The following USP12 variants were observed in gnomAD, a reference collection of about 807,000 sequenced individuals.
USP12 encodes ubiquitin specific peptidase 12.
In USP12, 19 loss-of-function variants were observed where a neutral mutation model predicts 45.5. The observed-to-expected ratio is 0.42, with a 90% CI of 0.29 to 0.61. The LOEUF (loss-of-function observed/expected upper bound fraction) is 0.61. USP12 is among the 20% of genes least tolerant of loss of function. USP12 has a pLI of 0.22. For missense variants in USP12, 242 were observed against 447.7 expected (o/e 0.54, Z 4.15); for synonymous variants, 149 against 148.8 (o/e 1.00, Z -0.01).
chr13:27,111,858 T>C (rs1351828726), intron 2 of USP12, among the ~76,000 whole-genome samples: 1 of 152,214 alleles, frequency 6.6e-6, no homozygotes, highest in African/African-American at 2.4e-5. Context: ...AACAGCAATT[T>C]GATAGTCTGT....
chr13:27,093,301 T>G (rs1485491301), intron 4 of USP12, among the ~76,000 whole-genome samples: 2 of 88,332 alleles, frequency 2.3e-5, no homozygotes, highest in African/African-American at 6.9e-5. Flanking sequence ...GTAGCCAAAA[T>G]TATACCCGAA....
At position 27,105,860 on chromosome 13, in the gene USP12, T is replaced by C. The variant is rs376270291; in HGVS notation, c.214A>G (p.Ser72Gly). 12 of 1,613,744 alleles carry C rather than the reference T, an allele frequency of 7.4e-6. No individual in the cohort carries two copies. Among genetic ancestry groups the C allele is most frequent in the Non-Finnish European group, 1.0e-5 (12 of 1,179,834 alleles). ...AGGCTCTCCTTTTTCCTAGGTTGAC[T>C]CTTATACGCAAGAACTTTTTCCCGA... ...PFREKVLAYKSQPRKKESLLT... is the reference protein window; with the variant it reads ...PFREKVLAYKGQPRKKESLLT... Residue 72 changes from serine to glycine, a missense_variant, in exon 3 of 9, where the codon AGT (serine) becomes GGT (glycine). Around this residue, in one of 5 missense-constraint regions of USP12, gnomAD observed 77 missense variants for 153.7 expected, o/e 0.50. Transcript: ENST00000282344.
intron 8 of USP12, 28 bp from the exon 9 acceptor site, chr13:27,069,412 C>A (rs977652219): frequency 8.7e-6 from 13 of 1,502,862 alleles, no homozygotes; most frequent in Non-Finnish European, 1.2e-5. Flanking sequence ...AACATTAGTA[C>A]ATAAATGAGC....
chr13:27,087,193 GA>G (rs1470842645), intron 6 of USP12, among the ~76,000 whole-genome samples: 1 of 151,408 alleles, frequency 6.6e-6, no homozygotes, highest in East Asian at 1.9e-4. Context: ...AAGGCAGAGA[GA>G]ATAAGCTGGG....
chr13:27,158,998 C>T (rs1877976515), intron 1 of USP12, among the ~76,000 whole-genome samples: 1 of 152,146 alleles, frequency 6.6e-6, no homozygotes, highest in South Asian at 2.1e-4. Context: ...TAATGTCTGG[C>T]AATAAACACA....
chr13:27,110,010 G>A (rs1188705954), intron 2 of USP12, among the ~76,000 whole-genome samples: 1 of 151,210 alleles, frequency 6.6e-6, no homozygotes, highest in East Asian at 1.9e-4. Flanking sequence ...GACTTTGTTA[G>A]GTGTGATCAT....
chr13:27,093,662 T>C (rs1480442905), intron 4 of USP12, among the ~76,000 whole-genome samples: 2 of 152,244 alleles, frequency 1.3e-5, no homozygotes, highest in Admixed American at 1.3e-4. Context: ...CCAGTGATCC[T>C]GCTCCTTGAT....
In USP12 at chr13:27,132,685, A is replaced by G. The variant is rs187669367; in HGVS notation, c.49-16089T>C. Among the ~76,000 whole-genome samples, 233 of 152,250 alleles carry G rather than the reference A, an allele frequency of 1.5e-3. 1 individual carries two copies. The highest frequency in any genetic ancestry group is 0.014 in the Middle Eastern group (4 of 294). On this transcript the variant is annotated intron_variant, in intron 1 of 8. Coordinates refer to ENST00000282344, the MANE Select transcript of USP12 (RefSeq NM_182488.4). ...GGTTTCAAGTTCTATGTGTGTGAGG[A>G]GCTGGTGGGCACGTTAACAAGAAGA... is the stretch of plus-strand genomic sequence containing the variant.
At chr13:27,111,036 G>C (rs541604195) in intron 2 of USP12, among the ~76,000 whole-genome samples, 6 of 152,260 alleles carry the variant, frequency 3.9e-5, no homozygotes, top group African/African-American at 1.4e-4. Flanking sequence ...GTAGACTACT[G>C]GAAGTCAGGC....
chr13:27,168,674 C>A (rs1878452799), intron 1 of USP12, among the ~76,000 whole-genome samples: 1 of 152,156 alleles, frequency 6.6e-6, no homozygotes. Context: ...AAAATGTACT[C>A]ACTGCAATCT....
chr13:27,076,211 CAAGA>C (rs1186050258), intron 6 of USP12, among the ~76,000 whole-genome samples: 1 of 151,962 alleles, frequency 6.6e-6, no homozygotes, highest in Non-Finnish European at 1.5e-5. Context: ...TTGTCAGAGA[CAAGA>C]AATAACTCCA....
rs184695290 is a variant in USP12, at chr13:27,116,205, G to A, written c.129+311C>T. 1.3e-4 allele frequency among the ~76,000 whole-genome samples: 20 copies of A among 151,678 alleles called. No individual in the cohort carries two copies. In the East Asian group the frequency reaches 3.9e-3, roughly 30 times the overall value. On this transcript the variant is annotated intron_variant, in intron 2 of 8. Transcript: ENST00000282344. The stretch of plus-strand genomic sequence containing the variant: ...CAGGCGCCTGTAGTCCCAGCTACTC[G>A]GGAGGCTGAGGCAGGAGAATGGCGT...
intron 1 of USP12, among the ~76,000 whole-genome samples, chr13:27,167,220 G>GC (rs1878386625): frequency 1.3e-5 from 2 of 151,444 alleles, no homozygotes; most frequent in African/African-American, 2.4e-5. Flanking sequence ...CAAGATTGCA[G>GC]CATTGCACTC....
At chr13:27,144,857 C>T (rs1459531741) in intron 1 of USP12, among the ~76,000 whole-genome samples, 1 of 149,804 alleles carries the variant, frequency 6.7e-6, no homozygotes, top group African/African-American at 2.5e-5. Flanking sequence ...CCCAGGAGTT[C>T]GAGACCAGCC....
chr13:27,141,451 A>C (rs915004474), intron 1 of USP12, among the ~76,000 whole-genome samples: 10 of 152,248 alleles, frequency 6.6e-5, no homozygotes, highest in African/African-American at 2.4e-4. Context: ...CCACTAAAAG[A>C]AATCAAGACA....
rs201005291 is a variant in USP12 at position 27,114,214 on chromosome 13, G to GA, written c.129+2301dup. ...ATAAAGAACCATACAATAAAACAAT[G>GA]AAAAAAAAGCTATTCAAAAAAATGC... On this transcript the variant is annotated intron_variant, in intron 2 of 8. Transcript: ENST00000282344. Among the ~76,000 whole-genome samples, 225 of 151,244 alleles carry GA rather than the reference G, an allele frequency of 1.5e-3. 2 individuals carry two copies. The East Asian group carries it at 0.028, about 19-fold the overall frequency.
At chr13:27,170,995 G>A (rs1878569023) in intron 1 of USP12, among the ~76,000 whole-genome samples, 1 of 152,194 alleles carries the variant, frequency 6.6e-6, no homozygotes, top group African/African-American at 2.4e-5. Flanking sequence ...CCCAGCCAGC[G>A]GCGCGAGGAA....
chr13:27,152,937 G>A (rs867970474), intron 1 of USP12, among the ~76,000 whole-genome samples: 127 of 62,176 alleles, frequency 2.0e-3, no homozygotes, highest in African/African-American at 7.3e-3. Context: ...GCGAGACTCC[G>A]TCTCAAAAAA....
At chr13:27,144,726 T>A (rs1331979124) in intron 1 of USP12, among the ~76,000 whole-genome samples, 1 of 149,522 alleles carries the variant, frequency 6.7e-6, no homozygotes, top group Non-Finnish European at 1.5e-5. Context: ...AAAACTTTTT[T>A]TGGAAGTTTT....
Sources: gnomAD v4.1 joint callset for allele counts (sites outside exome capture counted in the v4.1 genomes callset) on GRCh38, gnomAD v4.1.1 for gene constraint, gnomAD v4.1.1 regional missense constraint, MANE v1.5 for transcripts, NCBI Gene and HGNC (gene_info 2026-07-23, HGNC 2026-07-21) for gene names.